MECOM: variants seen among roughly 807,000 people sequenced by gnomAD.
MECOM encodes histone-lysine N-methyltransferase MECOM.
Under a neutral mutation model 116.3 loss-of-function variants are expected in MECOM, and 13 were observed. The observed-to-expected ratio is 0.11, with a 90% confidence interval of 0.07 to 0.18. The LOEUF (loss-of-function observed/expected upper bound fraction) is 0.18. MECOM is among the 10% of genes least tolerant of loss of function. The pLI, the probability that MECOM is intolerant of heterozygous loss-of-function variation, is 1.00. For missense variants in MECOM, 1,299 were observed against 1,509.0 expected, an observed-to-expected ratio of 0.86 and a Z score of 2.31; for synonymous variants, 528 against 535.2, an observed-to-expected ratio of 0.99 and a Z score of 0.19.
At chr3:169,639,801 A>T (rs769410378) in intron 1 of MECOM, among the ~76,000 whole-genome samples, 3 of 152,254 alleles carry the variant, frequency 2.0e-5, no homozygotes, top group Non-Finnish European at 2.9e-5. Context: ...ATCAAAATTC[A>T]TAAGTATCTA....
intron 1 of MECOM, among the ~76,000 whole-genome samples, chr3:169,413,801 T>G (rs1200806129): frequency 6.6e-6 from 1 of 152,212 alleles, no homozygotes; most frequent in East Asian, 1.9e-4. Context: ...CCCACCTCAG[T>G]GCAGCAAGGC....
At chr3:169,284,744 AG>A (rs1712917726) in intron 2 of MECOM, among the ~76,000 whole-genome samples, 1 of 152,196 alleles carries the variant, frequency 6.6e-6, no homozygotes, top group Non-Finnish European at 1.5e-5. Flanking sequence ...ACTCATCAAA[AG>A]TCCCATCACT....
In MECOM at chr3:169,651,080, G is replaced by T. The variant is rs576968334; in HGVS notation, c.37+12256C>A. 2.6e-5 allele frequency among the ~76,000 whole-genome samples: 4 copies of T among 152,284 alleles called. No individual in the cohort carries two copies. In the South Asian group the frequency reaches 8.3e-4, roughly 32 times the overall value. ...TGGTGAGAGTGGGCATCATTGTCTTGTTCCAGTTTGCAGACGGAATGCTTT... is the reference window on the plus strand; with the variant it reads ...TGGTGAGAGTGGGCATCATTGTCTTTTTCCAGTTTGCAGACGGAATGCTTT... On this transcript the variant is annotated intron_variant, in intron 1 of 16. Coordinates refer to ENST00000651503, the MANE Select transcript of MECOM (RefSeq NM_004991.4).
chr3:169,382,849 C>CAAAAAAAA (rs1157852145), intron 1 of MECOM, among the ~76,000 whole-genome samples: 9 of 47,154 alleles, frequency 1.9e-4, no homozygotes, highest in African/African-American at 8.0e-4. Context: ...AAGCCCATCT[C>CAAAAAAAA]AAAAAAAAAA....
In MECOM at chr3:169,663,513, TCTCTCTCTCTCTCTCTCC is replaced by T. The variant is rs1776608917; in HGVS notation, c.-159_-142del. ...CTCTCTCTCTCTCTCTCTCTCTCTC[TCTCTCTCTCTCTCTCTCC>T]CTCCCTCCTGTTTCTCTCCTGTTTC... On this transcript the variant is annotated 5_prime_UTR_variant, in exon 1 of 17. Transcript: ENST00000651503. 7 of 670,714 alleles carry T rather than the reference TCTCTCTCTCTCTCTCTCC, an allele frequency of 1.0e-5. No individual in the cohort carries two copies. Among genetic ancestry groups the T allele is most frequent in the African/African-American group, 1.9e-5 (1 of 53,132 alleles). 41.5% of individuals were successfully genotyped at this position (670,714 alleles called of 1,614,324 possible).
intron 2 of MECOM, chr3:169,147,730 G>GTA (rs1263536747): frequency 1.0e-6 from 1 of 980,890 alleles, no homozygotes; most frequent in African/African-American, 1.8e-5. Context: ...GTGTGTGTGT[G>GTA]TGTGCGCGCG....
chr3:169,483,481 T>C (rs1751684374), intron 1 of MECOM, among the ~76,000 whole-genome samples: 1 of 141,454 alleles, frequency 7.1e-6, no homozygotes, highest in Non-Finnish European at 1.5e-5. Flanking sequence ...ACCACGAGAA[T>C]TGAAATTTTT....
At chr3:169,453,993 T>A (rs1049326819) in intron 1 of MECOM, among the ~76,000 whole-genome samples, 2 of 152,290 alleles carry the variant, frequency 1.3e-5, no homozygotes, top group South Asian at 2.1e-4. Context: ...CCTTTCTTTG[T>A]GTGGCTTCTG....
intron 16 of MECOM, among the ~76,000 whole-genome samples, chr3:169,088,337 G>A (rs1718527886): frequency 6.6e-6 from 1 of 152,056 alleles, no homozygotes; most frequent in South Asian, 2.1e-4. Flanking sequence ...TGCTATTTAT[G>A]GACCCTTAAA....
At chr3:169,257,325 T>C (rs949568558) in intron 2 of MECOM, among the ~76,000 whole-genome samples, 59 of 152,150 alleles carry the variant, frequency 3.9e-4, no homozygotes, top group African/African-American at 1.4e-3. Context: ...TAATAGCCTC[T>C]AGGGAATGTT....
intron 1 of MECOM, among the ~76,000 whole-genome samples, chr3:169,554,142 C>A (rs934443032): frequency 3.3e-5 from 5 of 152,164 alleles, no homozygotes; most frequent in Non-Finnish European, 7.3e-5. Context: ...CATGGCCTTC[C>A]ATGCTGTTTC....
At chr3:169,176,775 A>C (rs1461003912) in intron 2 of MECOM, among the ~76,000 whole-genome samples, 1 of 152,188 alleles carries the variant, frequency 6.6e-6, no homozygotes, top group Non-Finnish European at 1.5e-5. Context: ...TTACAAGAAA[A>C]AAACAAACAA....
At position 169,366,843 on chromosome 3, in the gene MECOM, C is replaced by A. The variant is rs1729244573; in HGVS notation, c.375+14344G>T. On this transcript the variant is annotated intron_variant, in intron 2 of 16. Coordinates refer to ENST00000651503, the MANE Select transcript of MECOM (RefSeq NM_004991.4). The stretch of plus-strand genomic sequence containing the variant: ...ACTCTCAGCCAGTTGGTAGGAGGCA[C>A]AAAGCATCCATCTCCCATGGGTCTG... Among the ~76,000 whole-genome samples the A allele has an allele frequency of 3.3e-5, 5 of 152,140 alleles. No individual in the cohort carries two copies. The South Asian group carries it at 1.0e-3, about 31-fold the overall frequency.
chr3:169,104,307 G>T (rs1724599614), intron 10 of MECOM, among the ~76,000 whole-genome samples: 1 of 152,108 alleles, frequency 6.6e-6, no homozygotes, highest in Non-Finnish European at 1.5e-5. Flanking sequence ...TGTTACTTTG[G>T]ATTTATTTGT....
rs557341399 is a variant in MECOM at position 169,279,312 on chromosome 3, T to G, written c.375+101875A>C. 2.0e-5 allele frequency among the ~76,000 whole-genome samples: 3 copies of G among 152,312 alleles called. No homozygotes were observed. The East Asian group carries it at 5.8e-4, about 29-fold the overall frequency. On this transcript the variant is annotated intron_variant, in intron 2 of 16. Coordinates refer to ENST00000651503, the MANE Select transcript of MECOM (RefSeq NM_004991.4). ...TTAGAATCCAATGTCTTGTTCACTG[T>G]CTGGAACATTGGAATTAGCTGGGTC...
At chr3:169,388,297 G>A (rs1733704431) in intron 1 of MECOM, among the ~76,000 whole-genome samples, 1 of 152,184 alleles carries the variant, frequency 6.6e-6, no homozygotes, top group Admixed American at 6.5e-5. Context: ...CAGTTACAGA[G>A]GCTTGTTTGT....
At chr3:169,636,440 G>A (rs1388609001) in intron 1 of MECOM, among the ~76,000 whole-genome samples, 1 of 152,146 alleles carries the variant, frequency 6.6e-6, no homozygotes. Context: ...ATAGAAAAAA[G>A]AAATAGGAGA....
intron 2 of MECOM, among the ~76,000 whole-genome samples, chr3:169,210,399 C>A (rs745497940): frequency 2.6e-5 from 4 of 152,034 alleles, no homozygotes; most frequent in Non-Finnish European, 5.9e-5. Flanking sequence ...TACCAAGAAA[C>A]ATATTTCTGA....
intron 2 of MECOM, among the ~76,000 whole-genome samples, chr3:169,364,572 T>G (rs747240013): frequency 1.3e-4 from 19 of 151,972 alleles, no homozygotes; most frequent in Non-Finnish European, 2.5e-4. Flanking sequence ...TGGTAATAAC[T>G]CACCATTTCT....
Sources: allele counts gnomAD v4.1 joint callset (sites outside exome capture counted in the v4.1 genomes callset), GRCh38; gene constraint gnomAD v4.1.1; transcripts MANE v1.5; gene names NCBI Gene and HGNC (gene_info 2026-07-23, HGNC 2026-07-21).